The following ARMC7 variants were observed in gnomAD, a reference collection of about 807,000 sequenced individuals.
The protein encoded by ARMC7 is armadillo repeat-containing protein 7.
A neutral mutation model predicts 14.8 loss-of-function variants in ARMC7; 9 were observed. The ratio of observed to expected loss-of-function variants is 0.61; its 90% CI spans 0.37 to 1.06. The LOEUF (loss-of-function observed/expected upper bound fraction) is 1.06, where lower values mean the gene tolerates loss of function less well. Among genes scored for constraint, ARMC7 ranks in the 50% least tolerant of loss-of-function variants. The pLI is 0.01. For synonymous variants in ARMC7, 125 were observed against 123.4 expected (o/e 1.01, Z -0.09); for missense variants, 262 against 267.1 (o/e 0.98, Z 0.13).
At chr17:75,122,198 T>C (rs2074018492) in intron 2 of ARMC7, among the ~76,000 whole-genome samples, 1 of 151,558 alleles carries the variant, frequency 6.6e-6, no homozygotes, top group Non-Finnish European at 1.5e-5. Context: ...TAGTCGGGCA[T>C]GTTGACGGGC....
Position 75,114,878 on chromosome 17 carries a change from A to G in ARMC7, c.235+4272A>G, listed in dbSNP as rs139334442. 4.7e-3 allele frequency: 1,853 copies of G among 392,538 alleles called. 14 individuals carry two copies. The highest frequency in any genetic ancestry group is 0.025 in the South Asian group (191 of 7,576). 24.3% of individuals were successfully genotyped at this position (392,538 alleles called of 1,614,324 possible). A position where few individuals can be genotyped will look rare whatever the true frequency, so the allele number is the denominator to read the frequency against. On this transcript the variant is annotated intron_variant, in intron 2 of 2. Coordinates refer to ENST00000245543, the MANE Select transcript of ARMC7 (RefSeq NM_024585.4). Reference sequence around the variant, plus strand: ...TGACTGAGAAGGAGAGCCCCCGCGTATTTTCTTACTGCCGTCGTTTCCCTT... The same window carrying G: ...TGACTGAGAAGGAGAGCCCCCGCGTGTTTTCTTACTGCCGTCGTTTCCCTT...
intron 2 of ARMC7, among the ~76,000 whole-genome samples, chr17:75,112,776 A>ATCCT (rs992646207): frequency 4.0e-5 from 6 of 149,298 alleles, no homozygotes; most frequent in African/African-American, 1.5e-4. Context: ...TTGTGACAGG[A>ATCCT]TCTCACTGTG....
chr17:75,120,813 C>CAAA (rs145302822), intron 2 of ARMC7, among the ~76,000 whole-genome samples: 2 of 81,738 alleles, frequency 2.4e-5, no homozygotes, highest in Non-Finnish European at 5.6e-5. Context: ...GACTCGGTCT[C>CAAA]AAAAAAAAAA....
chr17:75,127,285 T>C (rs1490421404), intron 2 of ARMC7, among the ~76,000 whole-genome samples: 1 of 152,158 alleles, frequency 6.6e-6, no homozygotes, highest in African/African-American at 2.4e-5. Flanking sequence ...ATATTTCAAA[T>C]TGTAGAATGA....
At chr17:75,113,596 C>CAGGA (rs1314441583) in intron 2 of ARMC7, among the ~76,000 whole-genome samples, 2 of 152,040 alleles carry the variant, frequency 1.3e-5, no homozygotes, top group Non-Finnish European at 2.9e-5. Flanking sequence ...ACCTCGTGAT[C>CAGGA]TGCCCGCCTC....
chr17:75,119,433 A>AGT (rs1385214161), intron 2 of ARMC7, among the ~76,000 whole-genome samples: 6 of 145,630 alleles, frequency 4.1e-5, no homozygotes, highest in African/African-American at 1.3e-4. Context: ...TTCTGAAAAT[A>AGT]CCCTGTGATA....
At chr17:75,111,783 C>T (rs956113044) in intron 2 of ARMC7, among the ~76,000 whole-genome samples, 1 of 151,176 alleles carries the variant, frequency 6.6e-6, no homozygotes, top group African/African-American at 2.5e-5. Flanking sequence ...TCAAGAGAAG[C>T]AGAGATGGCT....
At chr17:75,112,573 C>CTTTTTTTTTTT (rs549730217) in intron 2 of ARMC7, among the ~76,000 whole-genome samples, 5 of 100,458 alleles carry the variant, frequency 5.0e-5, no homozygotes, top group African/African-American at 7.1e-5. Context: ...TTCTCTTTTT[C>CTTTTTTTTTTT]TTTTTTTTTT....
chr17:75,115,808 A>G (rs1209420145), intron 2 of ARMC7, among the ~76,000 whole-genome samples: 1 of 152,182 alleles, frequency 6.6e-6, no homozygotes, highest in Non-Finnish European at 1.5e-5. Context: ...TCCTCCAATC[A>G]TCTGTCAGAT....
chr17:75,118,348 GCT>G (rs910999997), intron 2 of ARMC7, among the ~76,000 whole-genome samples: 26 of 152,258 alleles, frequency 1.7e-4, no homozygotes, highest in African/African-American at 5.8e-4. Flanking sequence ...AGAAGCCCCT[GCT>G]CTCTCTCCAT....
At chr17:75,115,656 C>T (rs1041150652) in intron 2 of ARMC7, among the ~76,000 whole-genome samples, 6 of 152,042 alleles carry the variant, frequency 3.9e-5, no homozygotes, top group Non-Finnish European at 7.4e-5. Flanking sequence ...CCCAGGAGGT[C>T]AAGAGCAGCC....
At chr17:75,117,870 C>G (rs1409537277) in intron 2 of ARMC7, among the ~76,000 whole-genome samples, 3 of 152,114 alleles carry the variant, frequency 2.0e-5, no homozygotes, top group Non-Finnish European at 4.4e-5. Context: ...CCTGTAATCC[C>G]AGCACTTTGG....
chr17:75,127,441 A>G (rs373498013), intron 2 of ARMC7, among the ~76,000 whole-genome samples: 16 of 152,076 alleles, frequency 1.1e-4, no homozygotes, highest in African/African-American at 3.6e-4. Context: ...CTGGGATTAC[A>G]AGCATGTGCC....
At chr17:75,127,060 A>C (rs1168415295) in intron 2 of ARMC7, among the ~76,000 whole-genome samples, 1 of 3,404 alleles carries the variant, frequency 2.9e-4, no homozygotes, top group Admixed American at 0.011. Flanking sequence ...AAACTGTCTC[A>C]AAAAAAAAAA....
At position 75,130,126 on chromosome 17, in the gene ARMC7, C is replaced by A; in HGVS notation, c.*1088C>A. Reference sequence around the variant, plus strand: ...TACCCACGTGGGCATGGAAATGGGGCAGATTAGGGGACCACTGGACTCAGA... The same window carrying A: ...TACCCACGTGGGCATGGAAATGGGGAAGATTAGGGGACCACTGGACTCAGA... On this transcript the variant is annotated 3_prime_UTR_variant, in exon 3 of 3. Coordinates refer to ENST00000245543, the MANE Select transcript of ARMC7 (RefSeq NM_024585.4). The A allele has an allele frequency of 4.8e-6, 1 of 208,152 alleles. No homozygotes were observed. Among genetic ancestry groups the A allele is most frequent in the Non-Finnish European group, 9.8e-6 (1 of 101,834 alleles). The allele number at this position is 208,152 out of a possible 1,614,324, so 12.9% of individuals were successfully genotyped here. A position where few individuals can be genotyped will look rare whatever the true frequency, so the allele number is the denominator to read the frequency against.
At chr17:75,114,951 T>C in intron 2 of ARMC7, 1 of 381,184 alleles carries the variant, frequency 2.6e-6, no homozygotes, top group Non-Finnish European at 4.7e-6. Context: ...CTTATTCTGC[T>C]GTTTCTGGAG....
intron 2 of ARMC7, among the ~76,000 whole-genome samples, chr17:75,113,823 G>C (rs893907776): frequency 6.6e-6 from 1 of 152,156 alleles, no homozygotes; most frequent in Non-Finnish European, 1.5e-5. Flanking sequence ...GCTGCCCCTT[G>C]GCCACTCCCT....
chr17:75,110,182 C>A lies in ARMC7; in HGVS notation c.-107C>A. On this transcript the variant is annotated 5_prime_UTR_variant, in exon 1 of 3. Transcript: ENST00000245543. Reference sequence around the variant, plus strand: ...AAAGAAACCCATTTGCCGACCCCCTCTTCCCTCTCCAGACAGGTGGAGAGC... The same window carrying A: ...AAAGAAACCCATTTGCCGACCCCCTATTCCCTCTCCAGACAGGTGGAGAGC... 8.9e-7 allele frequency: 1 copy of A among 1,120,960 alleles called. No homozygotes were observed. The highest frequency in any genetic ancestry group is 1.2e-6 in the Non-Finnish European group (1 of 807,674). 69.4% of individuals were successfully genotyped at this position (1,120,960 alleles called of 1,614,324 possible).
chr17:75,114,435 T>A (rs2073957577), intron 2 of ARMC7: 1 of 394,802 alleles, frequency 2.5e-6, no homozygotes. Flanking sequence ...CTGGGCTGGG[T>A]TCTTGCCATC....
Sources: gnomAD v4.1 joint callset for allele counts (sites outside exome capture counted in the v4.1 genomes callset) on GRCh38, gnomAD v4.1.1 for gene constraint, MANE v1.5 for transcripts, NCBI Gene and HGNC (gene_info 2026-07-23, HGNC 2026-07-21) for gene names.